The following EIPR1 variants were observed in gnomAD, a reference collection of about 807,000 sequenced individuals.
The protein encoded by EIPR1 is EARP and GARP complex-interacting protein 1.
In EIPR1, 25 loss-of-function variants were observed where a neutral mutation model predicts 48.1. The ratio of observed to expected loss-of-function variants is 0.52; its 90% CI spans 0.38 to 0.73. The LOEUF (loss-of-function observed/expected upper bound fraction) is 0.73, where lower values mean the gene tolerates loss of function less well. Ranked by LOEUF, EIPR1 falls within the 30% of genes least tolerant of loss-of-function variation. EIPR1 has a pLI of 0.00. For missense variants in EIPR1, 415 were observed against 506.2 expected, an observed-to-expected ratio of 0.82 and a Z score of 1.73; for synonymous variants, 204 against 201.9, an observed-to-expected ratio of 1.01 and a Z score of -0.09.
At chr2:3,212,916 A>G (rs1665507343) in intron 5 of EIPR1, among the ~76,000 whole-genome samples, 1 of 151,964 alleles carries the variant, frequency 6.6e-6, no homozygotes, top group African/African-American at 2.4e-5. Flanking sequence ...AGGCTGTGAG[A>G]CTCCCTTTTG....
At chr2:3,329,405 C>A (rs987930573) in intron 3 of EIPR1, among the ~76,000 whole-genome samples, 13 of 146,534 alleles carry the variant, frequency 8.9e-5, no homozygotes, top group African/African-American at 1.0e-4. Flanking sequence ...CTCTAATGAT[C>A]TCGGGGTACT....
At position 3,324,963 on chromosome 2, in the gene EIPR1, C is replaced by T. The variant is rs144597822; in HGVS notation, c.259+13054G>A. ...CCAGGTTCCCACAATCTGGCAGGAC[C>T]GCCACCCTCAGCAAGGCCAAAGAAC... On this transcript the variant is annotated intron_variant, in intron 3 of 8. Transcript: ENST00000382125. 3.5e-4 allele frequency among the ~76,000 whole-genome samples: 54 copies of T among 152,322 alleles called. No individual in the cohort carries two copies. The East Asian group carries it at 9.3e-3, about 26-fold the overall frequency.
intron 2 of EIPR1, among the ~76,000 whole-genome samples, chr2:3,345,929 G>T (rs1670386894): frequency 6.6e-6 from 1 of 152,076 alleles, no homozygotes; most frequent in Admixed American, 6.5e-5. Context: ...ACTTGCTCTT[G>T]GTACAGAAGT....
At chr2:3,355,812 T>TAAAATA (rs1670709696) in intron 1 of EIPR1, among the ~76,000 whole-genome samples, 1 of 148,806 alleles carries the variant, frequency 6.7e-6, no homozygotes, top group Non-Finnish European at 1.5e-5. Context: ...AGACCCTGTC[T>TAAAATA]AAATAAAATA....
At chr2:3,259,012 C>CACAAA (rs1558256660) in intron 3 of EIPR1, among the ~76,000 whole-genome samples, 1 of 151,824 alleles carries the variant, frequency 6.6e-6, no homozygotes, top group Non-Finnish European at 1.5e-5. Flanking sequence ...CTCCTGGAAA[C>CACAAA]ACAAAAATAA....
intron 4 of EIPR1, among the ~76,000 whole-genome samples, chr2:3,247,105 G>T (rs11888450): frequency 0.54 from 51,270 of 94,346 alleles, 17,616 homozygotes; most frequent in East Asian, 0.77. Context: ...GGGAGAGAGG[G>T]AGGGAGCTGC....
At chr2:3,289,242 T>A (rs983867988) in intron 3 of EIPR1, among the ~76,000 whole-genome samples, 2 of 152,150 alleles carry the variant, frequency 1.3e-5, no homozygotes, top group African/African-American at 4.8e-5. Flanking sequence ...TCTCAATCAT[T>A]TCGCTGTCTC....
At chr2:3,221,857 T>C (rs998591580) in intron 4 of EIPR1, among the ~76,000 whole-genome samples, 1 of 152,206 alleles carries the variant, frequency 6.6e-6, no homozygotes. Context: ...AGAGCATTTA[T>C]AGAGTCAGGT....
At chr2:3,222,315 G>A (rs961215557) in intron 4 of EIPR1, among the ~76,000 whole-genome samples, 26 of 152,242 alleles carry the variant, frequency 1.7e-4, no homozygotes, top group African/African-American at 6.0e-4. Flanking sequence ...TTCTCTGCAT[G>A]CGACTGATTT....
At chr2:3,256,732 G>A (rs1028593756) in intron 4 of EIPR1, among the ~76,000 whole-genome samples, 2 of 152,230 alleles carry the variant, frequency 1.3e-5, no homozygotes, top group African/African-American at 4.8e-5. Context: ...GAGAGCAGCT[G>A]TGACTGCCGT....
At chr2:3,306,403 A>G (rs1003212680) in intron 3 of EIPR1, among the ~76,000 whole-genome samples, 1 of 152,152 alleles carries the variant, frequency 6.6e-6, no homozygotes, top group Non-Finnish European at 1.5e-5. Context: ...TTGTCATAAG[A>G]AGTTTGGTTT....
chr2:3,250,709 C>T (rs1167293135), intron 4 of EIPR1, among the ~76,000 whole-genome samples: 2 of 152,206 alleles, frequency 1.3e-5, no homozygotes, highest in Non-Finnish European at 2.9e-5. Context: ...GCGGATCCCT[C>T]ATGAAAGGCT....
chr2:3,248,558 C>T (rs1057506846), intron 4 of EIPR1, among the ~76,000 whole-genome samples: 1 of 151,904 alleles, frequency 6.6e-6, no homozygotes, highest in Admixed American at 6.6e-5. Context: ...TGCACCACTG[C>T]ACTCCAGCCT....
At chr2:3,307,506 A>AG (rs1191876125) in intron 3 of EIPR1, among the ~76,000 whole-genome samples, 1 of 152,226 alleles carries the variant, frequency 6.6e-6, no homozygotes, top group Non-Finnish European at 1.5e-5. Flanking sequence ...TAGAACCAGC[A>AG]GCCCCACTTC....
At chr2:3,227,863 C>T (rs1229762446) in intron 4 of EIPR1, among the ~76,000 whole-genome samples, 2 of 152,262 alleles carry the variant, frequency 1.3e-5, no homozygotes, top group African/African-American at 2.4e-5. Flanking sequence ...CTTGGTGCTT[C>T]CACATGGTAC....
chr2:3,200,536 C>T (rs530562210), intron 5 of EIPR1, among the ~76,000 whole-genome samples: 8 of 152,104 alleles, frequency 5.3e-5, no homozygotes, highest in South Asian at 4.1e-4. Context: ...GGCAGGCATG[C>T]ATCCCACACA....
At position 3,367,888 on chromosome 2, in the gene EIPR1, AC is replaced by A. The variant is rs60672122; in HGVS notation, c.42+9759del. Among the ~76,000 whole-genome samples, 1,314 of 152,192 alleles carry A rather than the reference AC, an allele frequency of 8.6e-3. 124 individuals carry two copies. The East Asian group carries it at 0.2, about 23-fold the overall frequency. On this transcript the variant is annotated intron_variant, in intron 1 of 8. Coordinates refer to ENST00000382125, the MANE Select transcript of EIPR1 (RefSeq NM_003310.5). Reference sequence around the variant, plus strand: ...ACCCTGAAACCCCCTCTCTAAAAATACAAAAAATTAGCCAGGCGCGGTGGCA... The same window carrying A: ...ACCCTGAAACCCCCTCTCTAAAAATAAAAAAATTAGCCAGGCGCGGTGGCA...
rs1419503077 is a variant in EIPR1, at chr2:3,189,420, G to T, written c.1078C>A (p.Pro360Thr). Reference protein sequence around the residue: ...VYAVDWSSADPWLFASLSYDG... With the variant: ...VYAVDWSSADTWLFASLSYDG... ...TAGCTCAGGGAGGCAAACAGCCACG[G>T]GTCAGCCGAGGACCAGTCCACGGCA... is the stretch of plus-strand genomic sequence containing the variant. Residue 360 changes from proline to threonine, a missense_variant, in exon 9 of 9, where the codon CCG (proline) becomes ACG (threonine). Physicochemically the swap from Pro to Thr is conservative, Grantham distance 38 (BLOSUM62 -1). Transcript: ENST00000382125. This position sits in a 1 kb window ranked among gnomAD's most constrained non-coding sequence, Gnocchi z 4.6. 1.3e-6 allele frequency: 2 copies of T among 1,599,028 alleles called. No individual in the cohort carries two copies. The highest frequency in any genetic ancestry group is 1.7e-5 in the Admixed American group (1 of 58,474).
intron 3 of EIPR1, among the ~76,000 whole-genome samples, chr2:3,322,013 G>C (rs1669544374): frequency 2.0e-5 from 3 of 152,196 alleles, no homozygotes; most frequent in Admixed American, 2.0e-4. Context: ...CTTATCCGAG[G>C]GATCGGTGGT....
Sources: allele counts gnomAD v4.1 joint callset (sites outside exome capture counted in the v4.1 genomes callset), GRCh38; gene constraint gnomAD v4.1.1; non-coding constraint Gnocchi (gnomAD v3.1); transcripts MANE v1.5; gene names NCBI Gene and HGNC (gene_info 2026-07-23, HGNC 2026-07-21).